Variants in RGS6 observed in about 807,000 individuals in gnomAD.
RGS6 encodes the protein regulator of G-protein signaling 6.
RGS6 carries 30 observed loss-of-function variants against 78.5 expected under a neutral mutation model. The ratio of observed to expected loss-of-function variants is 0.38; its 90% confidence interval spans 0.29 to 0.52. RGS6 has a LOEUF of 0.52. RGS6 is among the 20% of genes least tolerant of loss of function. RGS6 has a pLI of 0.85. For missense variants in RGS6, 495 were observed against 609.7 expected (o/e 0.81, Z 1.98); for synonymous variants, 206 against 206.0 (o/e 1.00, Z 0.00).
chr14:71,931,190 C>T (rs965687392), upstream of RGS6, among the ~76,000 whole-genome samples: 2 of 152,078 alleles, frequency 1.3e-5, no homozygotes, highest in Middle Eastern at 3.2e-3. Flanking sequence ...ACTGGGACAT[C>T]TGTTACAATT....
chr14:72,615,373 G>A, the RGS6 span, among the ~76,000 whole-genome samples: 105 of 152,254 alleles, frequency 6.9e-4, no homozygotes, highest in African/African-American at 1.9e-3. Context: ...CACTTGCCCC[G>A]AAAGGAAAAG....
At chr14:72,132,360 T>G (rs931005137) in intron 2 of RGS6, among the ~76,000 whole-genome samples, 1 of 149,922 alleles carries the variant, frequency 6.7e-6, no homozygotes, top group Non-Finnish European at 1.5e-5. Flanking sequence ...CACTGAAACC[T>G]CCACCTCCTG....
chr14:72,551,426 G>A (rs147345718), intron 17 of RGS6, among the ~76,000 whole-genome samples: 1 of 152,164 alleles, frequency 6.6e-6, no homozygotes, highest in Admixed American at 6.5e-5. Flanking sequence ...CTCACTACCT[G>A]TGTCTCAAAA....
At chr14:72,155,746 A>G (rs766463104) in intron 2 of RGS6, among the ~76,000 whole-genome samples, 1 of 152,204 alleles carries the variant, frequency 6.6e-6, no homozygotes, top group Non-Finnish European at 1.5e-5. Context: ...ACAATTGGCA[A>G]TTTCCCCTTC....
the RGS6 span, among the ~76,000 whole-genome samples, chr14:72,621,341 A>C: frequency 0.045 from 6,863 of 151,566 alleles, 270 homozygotes; most frequent in East Asian, 0.11. Context: ...ATCTGGCCCC[A>C]CCCCCTAGTT....
At chr14:72,078,195 A>C (rs993883606) in intron 2 of RGS6, among the ~76,000 whole-genome samples, 1 of 152,076 alleles carries the variant, frequency 6.6e-6, no homozygotes, top group African/African-American at 2.4e-5. Flanking sequence ...TGGTTGTTAA[A>C]AAGTGTGTGG....
chr14:72,026,787 C>T (rs1048399875), intron 2 of RGS6, among the ~76,000 whole-genome samples: 6 of 152,180 alleles, frequency 3.9e-5, no homozygotes, highest in Non-Finnish European at 5.9e-5. Flanking sequence ...GTGTCAGATA[C>T]TAAGTGGTGA....
At chr14:72,559,702 A>T (rs1226714441) in intron 17 of RGS6, among the ~76,000 whole-genome samples, 1 of 152,172 alleles carries the variant, frequency 6.6e-6, no homozygotes, top group Admixed American at 6.5e-5. Context: ...CTACCCTGAA[A>T]TCCTGGGAAA....
intron 2 of RGS6, among the ~76,000 whole-genome samples, chr14:72,065,625 T>C (rs903295161): frequency 6.6e-6 from 1 of 152,166 alleles, no homozygotes; most frequent in African/African-American, 2.4e-5. Context: ...TCAAACGTCA[T>C]TGGGGTTAAT....
At chr14:72,349,482 G>T (rs2078714759) in intron 2 of RGS6, among the ~76,000 whole-genome samples, 1 of 152,162 alleles carries the variant, frequency 6.6e-6, no homozygotes, top group Non-Finnish European at 1.5e-5. Context: ...ATGAGGCCAA[G>T]GCAAGTATTC....
chr14:72,537,670 A>G (rs1177687228), intron 16 of RGS6: 1 of 643,438 alleles, frequency 1.6e-6, no homozygotes, highest in South Asian at 1.7e-5. Context: ...AAGAAAAATT[A>G]TAGGAACTTT....
the RGS6 span, among the ~76,000 whole-genome samples, chr14:71,871,742 T>G: frequency 3.3e-5 from 5 of 152,210 alleles, no homozygotes; most frequent in African/African-American, 1.2e-4. Flanking sequence ...TCCCTTTTTT[T>G]GCTGTTCCCA....
At chr14:72,139,914 G>T (rs1485304753) in intron 2 of RGS6, among the ~76,000 whole-genome samples, 1 of 151,998 alleles carries the variant, frequency 6.6e-6, no homozygotes, top group Non-Finnish European at 1.5e-5. Context: ...CATGAGAAAT[G>T]ATCAGGCTTT....
intron 3 of RGS6, among the ~76,000 whole-genome samples, chr14:72,438,530 C>T (rs1298504992): frequency 6.6e-6 from 1 of 152,192 alleles, no homozygotes; most frequent in Non-Finnish European, 1.5e-5. Context: ...TTGATGTAAG[C>T]TCCACCGTGC....
At chr14:72,036,145 C>T (rs149220677) in intron 2 of RGS6, among the ~76,000 whole-genome samples, 48 of 151,866 alleles carry the variant, frequency 3.2e-4, no homozygotes, top group African/African-American at 9.2e-4. Context: ...TTGAGACTGG[C>T]GTCTTTCACT....
At chr14:72,296,616 C>G (rs1464178884) in intron 2 of RGS6, among the ~76,000 whole-genome samples, 1 of 152,154 alleles carries the variant, frequency 6.6e-6, no homozygotes, top group African/African-American at 2.4e-5. Context: ...ATTCACCTAT[C>G]TTTTGTCAAA....
chr14:72,094,831 A>G (rs2095363913), intron 2 of RGS6, among the ~76,000 whole-genome samples: 1 of 152,204 alleles, frequency 6.6e-6, no homozygotes, highest in Non-Finnish European at 1.5e-5. Flanking sequence ...CAAAGCTGAG[A>G]TCTTTGATAA....
intron 2 of RGS6, among the ~76,000 whole-genome samples, chr14:71,985,065 C>T (rs1473093573): frequency 6.6e-6 from 1 of 152,182 alleles, no homozygotes; most frequent in African/African-American, 2.4e-5. Context: ...TGCTTTTCTA[C>T]CATAACCTAA....
In RGS6 at chr14:72,536,201, C is replaced by T; in HGVS notation, c.1294C>T (p.Leu432=). The change falls in exon 16 of 18, where the codon CTG becomes TTG. Residue 432 remains leucine, a synonymous_variant. Transcript: ENST00000553525. ...TCCTCCCCAGGAGCACATCTACAAG[C>T]TGATGAAGAGTGACAGCTATGCCCG... ...FEDAQEHIYK[L]MKSDSYARFL... 6.2e-7 allele frequency: 1 copy of T among 1,613,598 alleles called. No individual in the cohort carries two copies. Among genetic ancestry groups the T allele is most frequent in the Non-Finnish European group, 8.5e-7 (1 of 1,179,612 alleles).
Sources: gnomAD v4.1 joint callset for allele counts (sites outside exome capture counted in the v4.1 genomes callset) on GRCh38, gnomAD v4.1.1 for gene constraint, MANE v1.5 for transcripts, NCBI Gene and HGNC (gene_info 2026-07-23, HGNC 2026-07-21) for gene names.